DOCK10: variants seen among roughly 807,000 people sequenced by gnomAD.
DOCK10 encodes dedicator of cytokinesis 10.
DOCK10 carries 145 observed loss-of-function variants against 280.1 expected under a neutral mutation model. The ratio of observed to expected loss-of-function variants is 0.52; its 90% CI spans 0.45 to 0.59. DOCK10 has a LOEUF of 0.59. DOCK10 is among the 20% of genes least tolerant of loss of function. The probability of loss-of-function intolerance (pLI) is 0.00; values close to 1 mark genes in which losing one functional copy is unlikely to be tolerated. For missense variants in DOCK10, 2,368 were observed against 2,651.7 expected (o/e 0.89, Z 2.35); for synonymous variants, 915 against 942.2 (o/e 0.97, Z 0.53).
At chr2:225,030,736 TCA>T (rs1332689960) in intron 1 of DOCK10, among the ~76,000 whole-genome samples, 1 of 152,242 alleles carries the variant, frequency 6.6e-6, no homozygotes, top group East Asian at 1.9e-4. Flanking sequence ...TAAATTCTGC[TCA>T]GTTTACTTCA....
chr2:224,999,156 C>T (rs1335329518), intron 1 of DOCK10, among the ~76,000 whole-genome samples: 1 of 152,136 alleles, frequency 6.6e-6, no homozygotes, highest in Non-Finnish European at 1.5e-5. Context: ...CACTGCACTT[C>T]AGCCTGGGTG....
At chr2:224,816,398 C>T (rs977042705) in intron 30 of DOCK10, among the ~76,000 whole-genome samples, 1 of 151,802 alleles carries the variant, frequency 6.6e-6, no homozygotes, top group Admixed American at 6.6e-5. Context: ...GGGAAACAGA[C>T]AAAAATTGAG....
intron 1 of DOCK10, among the ~76,000 whole-genome samples, chr2:224,954,134 A>C (rs2126133102): frequency 6.6e-6 from 1 of 152,318 alleles, no homozygotes; most frequent in South Asian, 2.1e-4. Flanking sequence ...AGAAGGTGAA[A>C]ATTCTCATTT....
In DOCK10 at chr2:224,800,174, A is replaced by G; in HGVS notation, c.4483T>C (p.Ser1495Pro). 6.2e-7 allele frequency: 1 copy of G among 1,609,586 alleles called. No homozygotes were observed. The highest frequency in any genetic ancestry group is 8.5e-7 in the Non-Finnish European group (1 of 1,176,628). The change falls in exon 41 of 56, where the codon TCC (serine) becomes CCC (proline). Residue 1495 changes from serine (S) to proline (P), a missense_variant. By Grantham distance (74) the Ser-to-Pro change is moderately conservative (BLOSUM62 -1). Coordinates refer to ENST00000258390, the MANE Select transcript of DOCK10 (RefSeq NM_014689.3). ...ACCTGATGAGTCTGTGTGAAGAGGG[A>G]TAACAGGTCCAGAATAGTGAGGCAA... ...EVCLTILDLL[S>P]LFTQTHQRQL...
intron 26 of DOCK10, 151 bp downstream of exon 26, chr2:224,833,999 G>A: frequency 1.7e-6 from 1 of 586,972 alleles, no homozygotes; most frequent in Non-Finnish European, 3.1e-6. Context: ...CTTTTGCTTA[G>A]TATCTTTATA....
intron 16 of DOCK10, among the ~76,000 whole-genome samples, chr2:224,853,847 G>T (rs1335516107): frequency 1.3e-5 from 2 of 152,168 alleles, no homozygotes; most frequent in Non-Finnish European, 2.9e-5. Flanking sequence ...AAAGCAAAAT[G>T]ATTAGCTACG....
intron 1 of DOCK10, among the ~76,000 whole-genome samples, chr2:224,995,856 T>C (rs1706258127): frequency 6.6e-6 from 1 of 152,218 alleles, no homozygotes; most frequent in Non-Finnish European, 1.5e-5. Flanking sequence ...CAAGAACTTG[T>C]TTTAATGTAA....
chr2:224,794,310 C>A (rs1692404111), intron 45 of DOCK10, among the ~76,000 whole-genome samples: 1 of 152,224 alleles, frequency 6.6e-6, no homozygotes, highest in Non-Finnish European at 1.5e-5. Flanking sequence ...ACTAAGAAGA[C>A]CTTGGGTGCT....
Position 224,841,798 on chromosome 2 carries a change from T to C in DOCK10, c.2661+6A>G. ...GATCACTGAAACTGCTTGCATGTCA[T>C]GTTACCTTACAAGAGCGGATGAAAT... On this transcript the variant is annotated splice_donor_region_variant and intron_variant, in intron 23 of 55. Transcript: ENST00000258390. 3 of 1,596,084 alleles carry C rather than the reference T, an allele frequency of 1.9e-6. No homozygotes were observed. Among genetic ancestry groups the C allele is most frequent in the Non-Finnish European group, 2.6e-6 (3 of 1,163,652 alleles).
Position 224,834,244 on chromosome 2 carries a change from GC to G in DOCK10, c.2869del (p.Ala957HisfsTer15), listed in dbSNP as rs1393249306. On this transcript the variant is annotated frameshift_variant, in exon 26 of 56. Coordinates refer to ENST00000258390, the MANE Select transcript of DOCK10 (RefSeq NM_014689.3). LOFTEE classifies it high-confidence loss of function. ...CTCATGTACAGTCCTCTCCTTGCAT[GC>G]CCTGGTCTTGAACACGAACTGAAGA... ...SYIKFVFKTRACKERTVHEEL... is the reference protein window; with the variant it reads ...SYIKFVFKTRXCKERTVHEEL... 1 of 1,609,012 alleles carries G rather than the reference GC, an allele frequency of 6.2e-7. No homozygotes were observed. The highest frequency in any genetic ancestry group is 8.5e-7 in the Non-Finnish European group (1 of 1,176,528).
In DOCK10 at chr2:224,765,598, G is replaced by A. The variant is rs1350382082; in HGVS notation, c.*123C>T. The A allele has an allele frequency of 2.3e-5, 15 of 644,724 alleles. No individual in the cohort carries two copies. Among genetic ancestry groups the A allele is most frequent in the South Asian group, 5.4e-5 (2 of 37,280 alleles). 39.9% of individuals were successfully genotyped at this position (644,724 alleles called of 1,614,324 possible). ...AGGTTGGCAAAATTCTGAAGCTAGC[G>A]AGGTAAACAAAAATATTAACACCAT... On this transcript the variant is annotated 3_prime_UTR_variant, in exon 56 of 56. Transcript: ENST00000258390.
rs1689538869 is a variant in DOCK10, at chr2:225,014,511, T to G, written c.123+27741A>C. 2.6e-5 allele frequency among the ~76,000 whole-genome samples: 4 copies of G among 152,240 alleles called. No homozygotes were observed. The South Asian group carries it at 8.3e-4, about 31-fold the overall frequency. On this transcript the variant is annotated intron_variant, in intron 1 of 55. Transcript: ENST00000258390. Reference sequence around the variant, plus strand: ...TCATCTTACATTTATTGTGATTAATTATTGATATAATTAGATTAATCTCTA... The same window carrying G: ...TCATCTTACATTTATTGTGATTAATGATTGATATAATTAGATTAATCTCTA...
At chr2:224,864,455 A>G in intron 13 of DOCK10, 98 bp downstream of exon 13, 1 of 1,184,128 alleles carries the variant, frequency 8.4e-7, no homozygotes. Context: ...GGTTGCAGTG[A>G]GCTGCGATTG....
intron 1 of DOCK10, among the ~76,000 whole-genome samples, chr2:224,945,066 A>G (rs1026904283): frequency 2.0e-5 from 3 of 152,192 alleles, no homozygotes; most frequent in Admixed American, 6.5e-5. Context: ...CCAACACTGT[A>G]TGAGTGGTCT....
chr2:224,870,754 C>G (rs1384830756), intron 11 of DOCK10, among the ~76,000 whole-genome samples: 4 of 151,576 alleles, frequency 2.6e-5, no homozygotes, highest in South Asian at 2.1e-4. Flanking sequence ...CCCTCTCCCC[C>G]CAACCAACAT....
chr2:224,852,357 C>T lies in DOCK10; in HGVS notation c.2142+20G>A. Reference sequence around the variant, plus strand: ...CTGCCTTCCCACTTTATGCTGGGTCCCTTTGCTGACTTGGCTCACCTTCAG... The same window carrying T: ...CTGCCTTCCCACTTTATGCTGGGTCTCTTTGCTGACTTGGCTCACCTTCAG... On this transcript the variant is annotated intron_variant, in intron 18 of 55. Transcript: ENST00000258390. 6.4e-6 allele frequency: 10 copies of T among 1,558,952 alleles called. No individual in the cohort carries two copies. Among genetic ancestry groups the T allele is most frequent in the Non-Finnish European group, 8.7e-6 (10 of 1,149,362 alleles).
intron 2 of DOCK10, among the ~76,000 whole-genome samples, chr2:224,922,415 T>C (rs75515254): frequency 0.011 from 1,699 of 152,278 alleles, 38 homozygotes; most frequent in African/African-American, 0.039. Context: ...TATAGCTCAA[T>C]AGCATAAAAG....
chr2:224,823,913 T>C (rs1274940055), intron 27 of DOCK10, among the ~76,000 whole-genome samples: 1 of 152,154 alleles, frequency 6.6e-6, no homozygotes, highest in African/African-American at 2.4e-5. Flanking sequence ...TTGCAAACTA[T>C]TGAAACAATG....
intron 4 of DOCK10, among the ~76,000 whole-genome samples, chr2:224,890,466 GAGAT>G (rs1699593089): frequency 6.6e-6 from 1 of 152,192 alleles, no homozygotes; most frequent in South Asian, 2.1e-4. Flanking sequence ...ACTAATGACT[GAGAT>G]AGACTATAAA....
Sources: gnomAD v4.1 joint callset for allele counts (sites outside exome capture counted in the v4.1 genomes callset) on GRCh38, gnomAD v4.1.1 for gene constraint, MANE v1.5 for transcripts, NCBI Gene and HGNC (gene_info 2026-07-23, HGNC 2026-07-21) for gene names.